Variants in PNPLA7 observed in about 807,000 individuals in gnomAD.
The protein encoded by PNPLA7 is patatin like domain 7, lysophospholipase.
A neutral mutation model predicts 161.7 loss-of-function variants in PNPLA7; 153 were observed. The ratio of observed to expected loss-of-function variants is 0.95; its 90% CI spans 0.83 to 1.08. The LOEUF (loss-of-function observed/expected upper bound fraction) is 1.08. Ranked by LOEUF, PNPLA7 falls within the 50% of genes least tolerant of loss-of-function variation. The pLI is 0.00. For synonymous variants in PNPLA7, 809 were observed against 782.1 expected (o/e 1.03, Z -0.57); for missense variants, 1,739 against 1,856.6 (o/e 0.94, Z 1.16).
At chr9:137,471,120 A>G (rs1831683121) in intron 25 of PNPLA7, among the ~76,000 whole-genome samples, 1 of 152,270 alleles carries the variant, frequency 6.6e-6, no homozygotes, top group South Asian at 2.1e-4. Context: ...TGCATATTGT[A>G]CAGGAAGAGA....
chr9:137,504,057 AAG>A (rs1491460085), intron 14 of PNPLA7, among the ~76,000 whole-genome samples: 1 of 151,468 alleles, frequency 6.6e-6, no homozygotes, highest in Non-Finnish European at 1.5e-5. Context: ...AAGAAGGAAG[AAG>A]AAGAAAGAAG....
At chr9:137,538,780 G>A (rs570673770) in intron 8 of PNPLA7, among the ~76,000 whole-genome samples, 109 of 152,326 alleles carry the variant, frequency 7.2e-4, no homozygotes, top group African/African-American at 2.5e-3. Context: ...GGCCAAGCGC[G>A]GTGGCTCAGG....
rs1291689883 is a variant in PNPLA7, at chr9:137,495,069, T to A, written c.2091A>T (p.Ala697=). The change falls in exon 19 of 35, where the codon GCA becomes GCT. Residue 697 remains alanine, a synonymous_variant. Coordinates refer to ENST00000406427, the MANE Select transcript of PNPLA7 (RefSeq NM_001098537.3). ...TGCGCTTGATGGACGTGAGGGCTCC[T>A]GCCGGCAGCTTGGCCAATTCTGAGT... ...VRDSELAKLP[A]GALTSIKRRY... 1 of 1,610,544 alleles carries A rather than the reference T, an allele frequency of 6.2e-7. No individual in the cohort carries two copies. Among genetic ancestry groups the A allele is most frequent in the Non-Finnish European group, 8.5e-7 (1 of 1,179,516 alleles).
chr9:137,523,625 A>C lies in PNPLA7; in HGVS notation c.748-768T>G, dbSNP rs1588678288. 6.8e-6 allele frequency among the ~76,000 whole-genome samples: 1 copy of C among 147,464 alleles called. No homozygotes were observed. Among genetic ancestry groups the C allele is most frequent in the Non-Finnish European group, 1.5e-5 (1 of 66,480 alleles). The stretch of plus-strand genomic sequence containing the variant: ...ACCATGCCGTCACCTGCCTGCAGAG[A>C]CAGATTTTTTTTTTTTTTTGAGACA... On this transcript the variant is annotated intron_variant, in intron 8 of 34. Coordinates refer to ENST00000406427, the MANE Select transcript of PNPLA7 (RefSeq NM_001098537.3). The surrounding 1 kb of genome is among the most constrained non-coding windows in gnomAD (Gnocchi z 4.4).
intron 17 of PNPLA7, 35 bp from the exon 18 acceptor site, chr9:137,497,345 C>A (rs768049261): frequency 3.0e-5 from 45 of 1,484,010 alleles, no homozygotes; most frequent in Non-Finnish European, 3.9e-5. Flanking sequence ...AGCCCTGGGC[C>A]CCCAGCCTCA....
intron 8 of PNPLA7, among the ~76,000 whole-genome samples, chr9:137,529,522 A>G (rs910148391): frequency 6.6e-6 from 1 of 152,082 alleles, no homozygotes; most frequent in African/African-American, 2.4e-5. Flanking sequence ...TTGGGTTCAG[A>G]CCACAAGTCT....
chr9:137,484,816 G>C (rs916402345), intron 20 of PNPLA7, 80 bp from the exon 21 acceptor site: 34 of 1,465,764 alleles, frequency 2.3e-5, no homozygotes, highest in Non-Finnish European at 2.6e-5. Context: ...GCCCCCCGAG[G>C]CTGCACAGGA....
intron 25 of PNPLA7, among the ~76,000 whole-genome samples, chr9:137,473,883 G>A (rs974264292): frequency 2.6e-5 from 4 of 152,136 alleles, no homozygotes; most frequent in Non-Finnish European, 5.9e-5. Flanking sequence ...CCCCACGACC[G>A]GGCACTTACA....
intron 20 of PNPLA7, among the ~76,000 whole-genome samples, chr9:137,489,327 GGCC>G (rs1035187451): frequency 2.1e-4 from 32 of 152,278 alleles, no homozygotes; most frequent in African/African-American, 6.7e-4. Flanking sequence ...CACAAACGTT[GGCC>G]AGGACATGCC....
Position 137,495,024 on chromosome 9 carries a change from C to T in PNPLA7, c.2127+9G>A, listed in dbSNP as rs1832974462. ...ATCCGCTCCGCATCCTCACCCACGC[C>T]ATGCTCACCTGTGGGTACCTGCGCT... On this transcript the variant is annotated intron_variant, in intron 19 of 34. Transcript: ENST00000406427. 6.2e-7 allele frequency: 1 copy of T among 1,603,006 alleles called. No individual in the cohort carries two copies. Among genetic ancestry groups the T allele is most frequent in the Non-Finnish European group, 8.5e-7 (1 of 1,173,824 alleles).
At chr9:137,502,608 G>A (rs1204168959) in intron 14 of PNPLA7, among the ~76,000 whole-genome samples, 1 of 130,752 alleles carries the variant, frequency 7.6e-6, no homozygotes, top group Non-Finnish European at 1.6e-5. Flanking sequence ...AGGAGCCGTG[G>A]GAGGTTCTTC....
chr9:137,496,713 A>AAAAACAAAAC (rs566457617), intron 18 of PNPLA7, among the ~76,000 whole-genome samples: 1 of 152,178 alleles, frequency 6.6e-6, no homozygotes, highest in Non-Finnish European at 1.5e-5. Flanking sequence ...TTCCGTCTCA[A>AAAAACAAAAC]AAAACAAAAC....
At chr9:137,489,643 CAA>C (rs1298490119) in intron 20 of PNPLA7, among the ~76,000 whole-genome samples, 2 of 152,162 alleles carry the variant, frequency 1.3e-5, no homozygotes, top group Non-Finnish European at 2.9e-5. Flanking sequence ...GAAACAAAGA[CAA>C]AGAGAGAACG....
At position 137,540,978 on chromosome 9, in the gene PNPLA7, T is replaced by C. The variant is rs1836171261; in HGVS notation, c.667-256A>G. On this transcript the variant is annotated intron_variant, in intron 7 of 34. Transcript: ENST00000406427. This position sits in a 1 kb window ranked among gnomAD's most constrained non-coding sequence, Gnocchi z 5.1. ...TCTCCATCCCATGACTCGTCTTCAA[T>C]GTGGGGACTGAGGCAAAAGCTCGCA... 2 of 440,386 alleles carry C rather than the reference T, an allele frequency of 4.5e-6. No homozygotes were observed. Among genetic ancestry groups the C allele is most frequent in the East Asian group, 4.0e-5 (1 of 24,754 alleles). The allele number at this position is 440,386 out of a possible 1,614,324, so 27.3% of individuals were successfully genotyped here.
intron 8 of PNPLA7, among the ~76,000 whole-genome samples, chr9:137,533,573 C>T (rs1219826752): frequency 8.1e-5 from 12 of 147,504 alleles, no homozygotes; most frequent in Admixed American, 4.0e-4. Context: ...CCACTCCAGG[C>T]GGGAGGACTC....
intron 20 of PNPLA7, among the ~76,000 whole-genome samples, chr9:137,487,319 C>A (rs1832536843): frequency 6.6e-6 from 1 of 152,252 alleles, no homozygotes; most frequent in Non-Finnish European, 1.5e-5. Flanking sequence ...CCACACCGGG[C>A]CCTGGTCGGG....
intron 33 of PNPLA7, chr9:137,461,168 A>G: frequency 3.0e-6 from 1 of 338,200 alleles, no homozygotes; most frequent in Non-Finnish European, 5.6e-6. Context: ...CCCTGGATGG[A>G]GCATGGAGGG....
At chr9:137,498,650 C>T (rs571713545) in intron 16 of PNPLA7, among the ~76,000 whole-genome samples, 24 of 152,316 alleles carry the variant, frequency 1.6e-4, no homozygotes, top group Middle Eastern at 6.8e-3. Flanking sequence ...GGCTGAGAGA[C>T]CCATGGGGCC....
intron 11 of PNPLA7, among the ~76,000 whole-genome samples, chr9:137,518,402 C>T (rs1281654919): frequency 5.1e-5 from 4 of 79,156 alleles, no homozygotes; most frequent in African/African-American, 1.8e-4. Flanking sequence ...CACTCACTCA[C>T]TCCACTCTGC....
Sources: gnomAD v4.1 joint callset for allele counts (sites outside exome capture counted in the v4.1 genomes callset) on GRCh38, gnomAD v4.1.1 for gene constraint, Gnocchi (gnomAD v3.1) non-coding constraint, MANE v1.5 for transcripts, NCBI Gene and HGNC (gene_info 2026-07-23, HGNC 2026-07-21) for gene names.